TMEM132D: variants seen among roughly 807,000 people sequenced by gnomAD.
TMEM132D encodes the protein mature OL transmembrane protein.
In TMEM132D, 21 loss-of-function variants were observed where a neutral mutation model predicts 62.3. The observed-to-expected ratio is 0.34, with a 90% CI of 0.24 to 0.49. TMEM132D has a LOEUF of 0.49. Ranked by LOEUF, TMEM132D falls within the 20% of genes least tolerant of loss-of-function variation. The probability of loss-of-function intolerance (pLI) is 0.99; values close to 1 mark genes in which losing one functional copy is unlikely to be tolerated. For missense variants in TMEM132D, 1,346 were observed against 1,402.8 expected, an observed-to-expected ratio of 0.96 and a Z score of 0.65; for synonymous variants, 621 against 575.6, an observed-to-expected ratio of 1.08 and a Z score of -1.13.
At chr12:129,754,383 C>A (rs1870097817) in intron 1 of TMEM132D, among the ~76,000 whole-genome samples, 1 of 152,174 alleles carries the variant, frequency 6.6e-6, no homozygotes, top group Non-Finnish European at 1.5e-5. Flanking sequence ...AAGTCTGGAA[C>A]TTTGAGAAGC....
At chr12:129,833,781 C>T (rs1872916031) in intron 1 of TMEM132D, among the ~76,000 whole-genome samples, 1 of 152,226 alleles carries the variant, frequency 6.6e-6, no homozygotes, top group African/African-American at 2.4e-5. Context: ...CTCCTCTGCC[C>T]ATGGGCAAGG....
chr12:129,720,609 C>T (rs1008536511), intron 1 of TMEM132D, among the ~76,000 whole-genome samples: 18 of 152,092 alleles, frequency 1.2e-4, no homozygotes, highest in Admixed American at 6.6e-5. Context: ...TCTAGGGAGA[C>T]GTTGGCACAA....
At chr12:129,252,562 G>A (rs1267594283) in intron 4 of TMEM132D, among the ~76,000 whole-genome samples, 2 of 152,170 alleles carry the variant, frequency 1.3e-5, no homozygotes, top group African/African-American at 4.8e-5. Context: ...AGAGGATGTG[G>A]AGAAATAGGA....
At chr12:129,774,831 C>G (rs1389034156) in intron 1 of TMEM132D, among the ~76,000 whole-genome samples, 1 of 152,206 alleles carries the variant, frequency 6.6e-6, no homozygotes, top group Admixed American at 6.5e-5. Context: ...TGTTGGGATT[C>G]TAACCAGTCT....
At chr12:129,421,732 T>C (rs1453987569) in intron 3 of TMEM132D, among the ~76,000 whole-genome samples, 1 of 152,256 alleles carries the variant, frequency 6.6e-6, no homozygotes, top group Non-Finnish European at 1.5e-5. Context: ...ATGTTTTATG[T>C]ATGGCTTTTG....
In TMEM132D at chr12:129,544,447, T is replaced by C. The variant is rs1295299528; in HGVS notation, c.969-13242A>G. Among the ~76,000 whole-genome samples the C allele has an allele frequency of 5.9e-5, 9 of 152,354 alleles. 1 individual carries two copies. The highest frequency in any genetic ancestry group is 3.9e-4 in the Admixed American group (6 of 15,302). ...CCAGTACCTGTTGGCATAAATGCCA[T>C]TGGTAAAATATACTAAGTTTATTTG... On this transcript the variant is annotated intron_variant, in intron 2 of 8. Coordinates refer to ENST00000422113, the MANE Select transcript of TMEM132D (RefSeq NM_133448.3).
At chr12:129,506,823 C>G (rs1875346412) in intron 3 of TMEM132D, among the ~76,000 whole-genome samples, 2 of 152,100 alleles carry the variant, frequency 1.3e-5, no homozygotes, top group African/African-American at 4.8e-5. Flanking sequence ...ACTAAGAACC[C>G]AAAAGCAAAT....
intron 5 of TMEM132D, among the ~76,000 whole-genome samples, chr12:129,158,635 T>C (rs1211093674): frequency 6.6e-6 from 1 of 152,188 alleles, no homozygotes; most frequent in African/African-American, 2.4e-5. Context: ...ATATCTGTCT[T>C]CAAGTGTTGC....
intron 3 of TMEM132D, among the ~76,000 whole-genome samples, chr12:129,378,038 A>G (rs1358595755): frequency 6.6e-6 from 1 of 152,232 alleles, no homozygotes; most frequent in Non-Finnish European, 1.5e-5. Context: ...AGCTTCTGCT[A>G]TTGATGAACA....
At chr12:129,215,459 A>G (rs1481292850) in intron 4 of TMEM132D, among the ~76,000 whole-genome samples, 1 of 152,238 alleles carries the variant, frequency 6.6e-6, no homozygotes, top group African/African-American at 2.4e-5. Context: ...AAACCTGCAC[A>G]TGTACTCCTT....
At chr12:129,551,927 A>G (rs1239884216) in intron 2 of TMEM132D, among the ~76,000 whole-genome samples, 1 of 152,218 alleles carries the variant, frequency 6.6e-6, no homozygotes, top group Non-Finnish European at 1.5e-5. Context: ...GGTGAGGGAT[A>G]TATCACTGGG....
intron 7 of TMEM132D, among the ~76,000 whole-genome samples, chr12:129,079,510 C>T (rs1381012645): frequency 2.0e-5 from 3 of 152,178 alleles, no homozygotes; most frequent in African/African-American, 4.8e-5. Context: ...TCTCACCCTT[C>T]GCCCAAATGA....
At chr12:129,778,339 C>T (rs1871013889) in intron 1 of TMEM132D, among the ~76,000 whole-genome samples, 1 of 152,096 alleles carries the variant, frequency 6.6e-6, no homozygotes, top group Admixed American at 6.6e-5. Context: ...ACCTGATGCT[C>T]CAACAACCCA....
At chr12:129,393,207 A>G (rs1315049408) in intron 3 of TMEM132D, among the ~76,000 whole-genome samples, 9 of 152,238 alleles carry the variant, frequency 5.9e-5, no homozygotes, top group Non-Finnish European at 2.9e-5. Flanking sequence ...TTTGAAGGCA[A>G]GGGCCATGTC....
chr12:129,872,201 C>T (rs1019318714), intron 1 of TMEM132D, among the ~76,000 whole-genome samples: 5 of 152,174 alleles, frequency 3.3e-5, no homozygotes, highest in Admixed American at 1.3e-4. Flanking sequence ...TATTCAGTTG[C>T]TAAAGAGACA....
chr12:129,114,394 TTCCTTCCCTCCTTCCC>T (rs58911236), intron 5 of TMEM132D, among the ~76,000 whole-genome samples: 26 of 146,388 alleles, frequency 1.8e-4, no homozygotes, highest in Admixed American at 3.4e-4. Context: ...AACTCCTTCC[TTCCTTCCCTCCTTCCC>T]TCCTTCCCTC....
At position 129,356,243 on chromosome 12, in the gene TMEM132D, G is replaced by T. The variant is rs1261877698; in HGVS notation, c.1116-18426C>A. Among the ~76,000 whole-genome samples the T allele has an allele frequency of 3.1e-5, 2 of 64,606 alleles. 1 individual carries two copies. The highest frequency in any genetic ancestry group is 3.9e-4 in the Admixed American group (2 of 5,164). The allele number at this position is 64,606 out of a possible 152,430, so 42.4% of individuals were successfully genotyped here. A position where few individuals can be genotyped will look rare whatever the true frequency, so the allele number is the denominator to read the frequency against. ...GGGATCTCGGCTCACTGCAAGCTCC[G>T]CCTCCCGGGTTCACGCCATTCTCCT... On this transcript the variant is annotated intron_variant, in intron 3 of 8. Coordinates refer to ENST00000422113, the MANE Select transcript of TMEM132D (RefSeq NM_133448.3).
At chr12:129,129,743 T>A (rs9804847) in intron 5 of TMEM132D, among the ~76,000 whole-genome samples, 1 of 151,880 alleles carries the variant, frequency 6.6e-6, no homozygotes, top group Non-Finnish European at 1.5e-5. Flanking sequence ...GATGATGAGC[T>A]ATGTGGGGCA....
chr12:129,336,799 T>C (rs1032071297), intron 4 of TMEM132D, among the ~76,000 whole-genome samples: 2 of 152,266 alleles, frequency 1.3e-5, no homozygotes, highest in African/African-American at 2.4e-5. Context: ...CAGCCGGGCC[T>C]GGGCCGAGGG....
Sources: allele counts gnomAD v4.1 joint callset (sites outside exome capture counted in the v4.1 genomes callset), GRCh38; gene constraint gnomAD v4.1.1; transcripts MANE v1.5; gene names NCBI Gene and HGNC (gene_info 2026-07-23, HGNC 2026-07-21).